Variants in EXOC4 observed in about 807,000 individuals in gnomAD.
The protein encoded by EXOC4 is SEC8-like 1.
A neutral mutation model predicts 107.2 loss-of-function variants in EXOC4; 71 were observed. The ratio of observed to expected loss-of-function variants is 0.66; its 90% CI spans 0.55 to 0.81. EXOC4 has a LOEUF of 0.81. EXOC4 is among the 30% of genes least tolerant of loss of function. The pLI, the probability that EXOC4 is intolerant of heterozygous loss-of-function variation, is 0.00. For missense variants in EXOC4, 1,108 were observed against 1,189.6 expected (o/e 0.93, Z 1.01); for synonymous variants, 456 against 441.2 (o/e 1.03, Z -0.42).
intron 3 of EXOC4, among the ~76,000 whole-genome samples, chr7:133,303,071 T>C (rs1275715817): frequency 6.6e-6 from 1 of 152,208 alleles, no homozygotes; most frequent in Non-Finnish European, 1.5e-5. Context: ...GTCTGTTGGG[T>C]TGACTGCTGC....
At chr7:133,687,548 A>T (rs1264944354) in intron 10 of EXOC4, among the ~76,000 whole-genome samples, 1 of 152,064 alleles carries the variant, frequency 6.6e-6, no homozygotes, top group Non-Finnish European at 1.5e-5. Context: ...TTCTTTACAG[A>T]TTCTTTCATT....
chr7:133,531,770 T>C (rs571436836), intron 9 of EXOC4, among the ~76,000 whole-genome samples: 1 of 152,282 alleles, frequency 6.6e-6, no homozygotes, highest in African/African-American at 2.4e-5. Flanking sequence ...TGATAGCTTT[T>C]TTATTTTCAA....
chr7:133,880,345 A>T (rs904340891), intron 11 of EXOC4, among the ~76,000 whole-genome samples: 2 of 152,190 alleles, frequency 1.3e-5, no homozygotes, highest in Non-Finnish European at 2.9e-5. Context: ...TCTAACATGT[A>T]GCATCTTCTA....
At chr7:133,446,940 G>C (rs1461907499) in intron 7 of EXOC4, among the ~76,000 whole-genome samples, 1 of 152,168 alleles carries the variant, frequency 6.6e-6, no homozygotes, top group African/African-American at 2.4e-5. Flanking sequence ...TTCTCAACCT[G>C]CTTCTGATAC....
chr7:133,479,977 T>A (rs1227468430), intron 8 of EXOC4, 73 bp from the exon 9 acceptor site: 11 of 1,191,446 alleles, frequency 9.2e-6, no homozygotes, highest in Non-Finnish European at 1.3e-5. Context: ...AGTAGAATAA[T>A]GTGGAATACA....
chr7:133,775,082 G>T (rs192975037), intron 10 of EXOC4, among the ~76,000 whole-genome samples: 1 of 152,186 alleles, frequency 6.6e-6, no homozygotes, highest in East Asian at 1.9e-4. Flanking sequence ...TATAATTATG[G>T]CAGTTTTTCA....
chr7:133,346,367 G>A (rs1350876484), intron 5 of EXOC4, among the ~76,000 whole-genome samples: 2 of 151,988 alleles, frequency 1.3e-5, no homozygotes, highest in East Asian at 1.9e-4. Context: ...ACTGTACTCC[G>A]GCTCCTCTCC....
Position 133,569,020 on chromosome 7 carries a change from A to G in EXOC4, c.1418-61025A>G, listed in dbSNP as rs548488492. On this transcript the variant is annotated intron_variant, in intron 9 of 17. Coordinates refer to ENST00000253861, the MANE Select transcript of EXOC4 (RefSeq NM_021807.4). ...AAAGTAAAAATAAGTAAGCAAATAAATAGGGCTAAGAAAACTAATTTGAGA... is the reference window on the plus strand; with the variant it reads ...AAAGTAAAAATAAGTAAGCAAATAAGTAGGGCTAAGAAAACTAATTTGAGA... Among the ~76,000 whole-genome samples the G allele has an allele frequency of 1.7e-4, 26 of 152,290 alleles. No homozygotes were observed. In the East Asian group the frequency reaches 4.6e-3, roughly 27 times the overall value.
chr7:133,762,331 A>G (rs1796048967), intron 10 of EXOC4, among the ~76,000 whole-genome samples: 1 of 152,182 alleles, frequency 6.6e-6, no homozygotes, highest in South Asian at 2.1e-4. Flanking sequence ...AAATGACATC[A>G]GGTATGTGCA....
At chr7:133,535,618 T>G (rs888277511) in intron 9 of EXOC4, among the ~76,000 whole-genome samples, 2 of 152,250 alleles carry the variant, frequency 1.3e-5, no homozygotes, top group Admixed American at 6.5e-5. Context: ...ACTCTGGTAC[T>G]GTTTTATGGA....
intron 14 of EXOC4, among the ~76,000 whole-genome samples, chr7:133,962,082 T>G (rs939063622): frequency 6.6e-6 from 1 of 152,186 alleles, no homozygotes; most frequent in Admixed American, 6.5e-5. Context: ...TAGCAGTTTA[T>G]GAATGAGAAA....
intron 10 of EXOC4, among the ~76,000 whole-genome samples, chr7:133,748,241 C>T (rs1279643968): frequency 1.3e-5 from 2 of 152,126 alleles, no homozygotes; most frequent in African/African-American, 4.8e-5. Context: ...ATAGTTAATA[C>T]TTTGGCTTAG....
At chr7:133,464,395 A>G (rs910359415) in intron 7 of EXOC4, among the ~76,000 whole-genome samples, 7 of 152,308 alleles carry the variant, frequency 4.6e-5, no homozygotes, top group Admixed American at 1.3e-4. Flanking sequence ...CTGCGTTTTT[A>G]TATGACTCTC....
intron 10 of EXOC4, among the ~76,000 whole-genome samples, chr7:133,731,720 T>A (rs1795330146): frequency 6.6e-6 from 1 of 152,146 alleles, no homozygotes; most frequent in Admixed American, 6.5e-5. Context: ...AGAATGGGTA[T>A]AATAAAAGCT....
chr7:133,268,244 G>A (rs1468263785), intron 1 of EXOC4, among the ~76,000 whole-genome samples: 1 of 152,212 alleles, frequency 6.6e-6, no homozygotes, highest in African/African-American at 2.4e-5. Flanking sequence ...TTGAATCTGG[G>A]TGTTTTAAAA....
chr7:134,091,887 A>G, the EXOC4 span, among the ~76,000 whole-genome samples: 347 of 152,264 alleles, frequency 2.3e-3, no homozygotes, highest in East Asian at 0.027. Context: ...TTTAACTAAA[A>G]TCCCCAGTAC....
rs560220697 is a variant in EXOC4 at position 133,385,661 on chromosome 7, G to A, written c.1182+10659G>A. Among the ~76,000 whole-genome samples, 18 of 152,236 alleles carry A rather than the reference G, an allele frequency of 1.2e-4. 1 individual carries two copies. The East Asian group carries it at 2.3e-3, about 20-fold the overall frequency. On this transcript the variant is annotated intron_variant, in intron 7 of 17. Coordinates refer to ENST00000253861, the MANE Select transcript of EXOC4 (RefSeq NM_021807.4). ...GATCTTTCTGTTGTTACAGTTTGTC[G>A]TATTGCTCCCCATTTTAGAGATGGA...
chr7:133,970,770 A>G (rs770841711), intron 14 of EXOC4, among the ~76,000 whole-genome samples: 2 of 151,834 alleles, frequency 1.3e-5, no homozygotes, highest in Admixed American at 6.6e-5. Flanking sequence ...GGGAGCTACC[A>G]ACCCGAGCTG....
chr7:133,903,954 A>G (rs1799511528), intron 12 of EXOC4, among the ~76,000 whole-genome samples: 1 of 152,146 alleles, frequency 6.6e-6, no homozygotes, highest in South Asian at 2.1e-4. Context: ...CTGAGTGATA[A>G]ATGTAGCACG....
Sources: gnomAD v4.1 joint callset for allele counts (sites outside exome capture counted in the v4.1 genomes callset) on GRCh38, gnomAD v4.1.1 for gene constraint, MANE v1.5 for transcripts, NCBI Gene and HGNC (gene_info 2026-07-23, HGNC 2026-07-21) for gene names.